SYT1: variants seen among roughly 807,000 people sequenced by gnomAD.
SYT1 encodes synaptotagmin 1.
A neutral mutation model predicts 44.8 loss-of-function variants in SYT1; 8 were observed. The ratio of observed to expected loss-of-function variants is 0.18; its 90% CI spans 0.10 to 0.32. The LOEUF (loss-of-function observed/expected upper bound fraction) is 0.32. Among genes scored for constraint, SYT1 ranks in the 10% least tolerant of loss-of-function variants. The pLI is 1.00. For missense variants in SYT1, 286 were observed against 509.3 expected (o/e 0.56, Z 4.22); for synonymous variants, 154 against 188.8 (o/e 0.82, Z 1.51).
intron 3 of SYT1, among the ~76,000 whole-genome samples, chr12:79,216,644 T>G (rs1469524213): frequency 6.6e-6 from 1 of 152,214 alleles, no homozygotes; most frequent in African/African-American, 2.4e-5. Context: ...TGATGTCTTC[T>G]GAATTCACAG....
chr12:79,130,791 C>T (rs917237991), intron 3 of SYT1, among the ~76,000 whole-genome samples: 1 of 152,126 alleles, frequency 6.6e-6, no homozygotes, highest in Non-Finnish European at 1.5e-5. Context: ...AACCAGGAGT[C>T]TCATGTCTTC....
chr12:79,207,791 C>T (rs1289566667), intron 3 of SYT1, among the ~76,000 whole-genome samples: 1 of 152,134 alleles, frequency 6.6e-6, no homozygotes, highest in East Asian at 1.9e-4. Flanking sequence ...TAACCAGTCT[C>T]CTTCCATCTT....
intron 3 of SYT1, among the ~76,000 whole-genome samples, chr12:79,051,641 AAGCAGTTATCTCAATG>A (rs1874499768): frequency 6.6e-6 from 1 of 152,090 alleles, no homozygotes; most frequent in South Asian, 2.1e-4. Context: ...AGCAACACTT[AAGCAGTTATCTCAATG>A]AGTCTCCCTT....
At chr12:79,252,280 A>G (rs1476438619) in intron 4 of SYT1, among the ~76,000 whole-genome samples, 1 of 152,150 alleles carries the variant, frequency 6.6e-6, no homozygotes, top group Non-Finnish European at 1.5e-5. Flanking sequence ...AAAATTTAGA[A>G]CAATGGCTAA....
chr12:79,269,229 CTG>C (rs1878288596), intron 4 of SYT1, among the ~76,000 whole-genome samples: 1 of 152,012 alleles, frequency 6.6e-6, no homozygotes, highest in Admixed American at 6.6e-5. Context: ...AGGTAGAAAA[CTG>C]TGAAACAGAG....
At chr12:79,253,076 C>G (rs566408434) in intron 4 of SYT1, among the ~76,000 whole-genome samples, 1 of 152,234 alleles carries the variant, frequency 6.6e-6, no homozygotes, top group East Asian at 1.9e-4. Context: ...CTCCAGGTTT[C>G]CATTATATCT....
At chr12:79,018,338 C>A (rs929129473) in intron 2 of SYT1, among the ~76,000 whole-genome samples, 1 of 76,950 alleles carries the variant, frequency 1.3e-5, no homozygotes, top group Non-Finnish European at 2.4e-5. Context: ...ACACCAGGGA[C>A]GGTTGTGGGG....
intron 8 of SYT1, among the ~76,000 whole-genome samples, chr12:79,323,007 C>T (rs1206259649): frequency 6.6e-6 from 1 of 151,980 alleles, no homozygotes; most frequent in South Asian, 2.1e-4. Context: ...GGTGATCTCC[C>T]GTGGGATCTA....
chr12:79,141,680 A>G (rs1157117066), intron 3 of SYT1, among the ~76,000 whole-genome samples: 1 of 152,202 alleles, frequency 6.6e-6, no homozygotes, highest in African/African-American at 2.4e-5. Flanking sequence ...GACATGAAAA[A>G]CAAGATGATA....
intron 8 of SYT1, among the ~76,000 whole-genome samples, chr12:79,332,362 T>C (rs1881892708): frequency 6.6e-6 from 1 of 152,200 alleles, no homozygotes; most frequent in Non-Finnish European, 1.5e-5. Flanking sequence ...CAGTGAACTT[T>C]CCCCTAGGCA....
chr12:78,980,330 A>G (rs1163156061), intron 2 of SYT1, among the ~76,000 whole-genome samples: 1 of 152,172 alleles, frequency 6.6e-6, no homozygotes, highest in Non-Finnish European at 1.5e-5. Context: ...CTTCCTACAT[A>G]GCCGACTCCA....
chr12:79,085,445 G>A (rs1179421096), intron 3 of SYT1, among the ~76,000 whole-genome samples: 1 of 152,060 alleles, frequency 6.6e-6, no homozygotes, highest in African/African-American at 2.4e-5. Flanking sequence ...AGTCATCCAG[G>A]AAGTTTATAT....
intron 1 of SYT1, among the ~76,000 whole-genome samples, chr12:78,932,517 C>T (rs1359850104): frequency 6.6e-6 from 1 of 152,160 alleles, no homozygotes; most frequent in Non-Finnish European, 1.5e-5. Flanking sequence ...AATGAGCTGT[C>T]AGTTTTAAAT....
chr12:79,266,495 A>G (rs745453810), intron 4 of SYT1, among the ~76,000 whole-genome samples: 14 of 152,158 alleles, frequency 9.2e-5, no homozygotes, highest in Non-Finnish European at 2.1e-4. Context: ...CCTTGTGGTC[A>G]TGTGCTTACA....
chr12:79,029,805 C>G (rs138693317), intron 2 of SYT1, among the ~76,000 whole-genome samples: 1 of 150,636 alleles, frequency 6.6e-6, no homozygotes, highest in Non-Finnish European at 1.5e-5. Flanking sequence ...TGATTTTCTT[C>G]TTTACTCAAA....
At position 79,100,766 on chromosome 12, in the gene SYT1, G is replaced by A. The variant is rs530447883; in HGVS notation, c.-18+53404G>A. 1.3e-4 allele frequency among the ~76,000 whole-genome samples: 20 copies of A among 151,970 alleles called. No homozygotes were observed. The South Asian group carries it at 1.7e-3, about 13-fold the overall frequency. On this transcript the variant is annotated intron_variant, in intron 3 of 10. Coordinates refer to ENST00000261205, the MANE Select transcript of SYT1 (RefSeq NM_005639.3). ...TAGTTGACCTGTTTCGTAAATATAGGAATTGATTTAGATTTTTAATTATAC... is the reference window on the plus strand; with the variant it reads ...TAGTTGACCTGTTTCGTAAATATAGAAATTGATTTAGATTTTTAATTATAC...
intron 3 of SYT1, among the ~76,000 whole-genome samples, chr12:79,179,542 TA>T (rs1565842565): frequency 5.5e-4 from 12 of 21,828 alleles, no homozygotes; most frequent in African/African-American, 2.1e-3. Context: ...GATATAGATA[TA>T]GAGATATAGA....
chr12:79,102,630 G>T (rs975578894), intron 3 of SYT1, among the ~76,000 whole-genome samples: 10 of 152,182 alleles, frequency 6.6e-5, no homozygotes, highest in Non-Finnish European at 1.3e-4. Context: ...TGTATCTCCA[G>T]TGTCACAGCA....
chr12:78,956,824 A>G (rs1879242128), intron 1 of SYT1, among the ~76,000 whole-genome samples: 1 of 152,146 alleles, frequency 6.6e-6, no homozygotes, highest in African/African-American at 2.4e-5. Context: ...AGTTCCTGGG[A>G]ATTTAAATGT....
Sources: gnomAD v4.1 joint callset for allele counts (sites outside exome capture counted in the v4.1 genomes callset) on GRCh38, gnomAD v4.1.1 for gene constraint, MANE v1.5 for transcripts, NCBI Gene and HGNC (gene_info 2026-07-23, HGNC 2026-07-21) for gene names.